Variants in LRMDA observed in about 807,000 individuals in gnomAD.
The protein encoded by LRMDA is leucine rich melanocyte differentiation associated.
In LRMDA, 18 loss-of-function variants were observed where a neutral mutation model predicts 29.8. The ratio of observed to expected loss-of-function variants is 0.60; its 90% CI spans 0.42 to 0.90. The LOEUF (loss-of-function observed/expected upper bound fraction) is 0.90. LRMDA is among the 40% of genes least tolerant of loss of function. The pLI is 0.00. For missense variants in LRMDA, 273 were observed against 273.9 expected, an observed-to-expected ratio of 1.00 and a Z score of 0.02; for synonymous variants, 125 against 109.4, an observed-to-expected ratio of 1.14 and a Z score of -0.89.
intron 2 of LRMDA, among the ~76,000 whole-genome samples, chr10:75,642,272 A>T (rs1489738735): frequency 2.6e-5 from 4 of 151,342 alleles, no homozygotes; most frequent in Non-Finnish European, 1.5e-5. Flanking sequence ...GCTAAGCATG[A>T]ACGTTTCCCT....
chr10:76,541,971 T>G (rs1179341160), intron 6 of LRMDA, among the ~76,000 whole-genome samples: 1 of 152,222 alleles, frequency 6.6e-6, no homozygotes, highest in Non-Finnish European at 1.5e-5. Flanking sequence ...ATTCTCTTTT[T>G]AAATGAGTCA....
At chr10:75,876,919 CAGG>C (rs1845207838) in intron 2 of LRMDA, among the ~76,000 whole-genome samples, 1 of 152,286 alleles carries the variant, frequency 6.6e-6, no homozygotes, top group East Asian at 1.9e-4. Flanking sequence ...ATTTCTCATT[CAGG>C]AGGTCTGGGG....
At chr10:76,274,697 A>G (rs576817569) in intron 5 of LRMDA, among the ~76,000 whole-genome samples, 1 of 152,298 alleles carries the variant, frequency 6.6e-6, no homozygotes, top group Non-Finnish European at 1.5e-5. Context: ...TACTTTTTAT[A>G]AAAATTAGAT....
chr10:75,717,645 C>G (rs1842517949), intron 2 of LRMDA, among the ~76,000 whole-genome samples: 1 of 152,156 alleles, frequency 6.6e-6, no homozygotes. Context: ...GTTAACCTCA[C>G]CAGATGACTT....
intron 2 of LRMDA, among the ~76,000 whole-genome samples, chr10:75,784,890 C>T (rs181659039): frequency 6.6e-6 from 1 of 152,182 alleles, no homozygotes; most frequent in African/African-American, 2.4e-5. Flanking sequence ...CAAAAACATC[C>T]ATATTGAAGC....
chr10:76,515,290 A>G (rs1170891002), intron 6 of LRMDA, among the ~76,000 whole-genome samples: 5 of 152,164 alleles, frequency 3.3e-5, no homozygotes, highest in Non-Finnish European at 7.4e-5. Flanking sequence ...AATTAGCTAA[A>G]TGTTCTTCAG....
At chr10:75,561,359 T>C (rs1840292315) in intron 2 of LRMDA, among the ~76,000 whole-genome samples, 2 of 148,440 alleles carry the variant, frequency 1.3e-5, no homozygotes, top group Non-Finnish European at 3.0e-5. Context: ...TAGTTTGTAT[T>C]TCTGTGGGAT....
intron 2 of LRMDA, among the ~76,000 whole-genome samples, chr10:75,692,088 G>A (rs1842165842): frequency 6.6e-6 from 1 of 151,492 alleles, no homozygotes; most frequent in Non-Finnish European, 1.5e-5. Flanking sequence ...TGTAGCTCCA[G>A]CTACTTGGGA....
intron 5 of LRMDA, among the ~76,000 whole-genome samples, chr10:76,264,497 G>A (rs962096201): frequency 6.9e-6 from 1 of 144,628 alleles, no homozygotes; most frequent in Admixed American, 7.3e-5. Flanking sequence ...CCATTTGCAA[G>A]TGGCATGGTC....
chr10:76,131,169 C>T (rs868386107), intron 5 of LRMDA, among the ~76,000 whole-genome samples: 6 of 152,268 alleles, frequency 3.9e-5, no homozygotes, highest in African/African-American at 7.2e-5. Context: ...GTGCTTCCGC[C>T]GAATTGGCTG....
At chr10:75,568,366 T>C (rs924029133) in intron 2 of LRMDA, among the ~76,000 whole-genome samples, 1 of 152,258 alleles carries the variant, frequency 6.6e-6, no homozygotes, top group East Asian at 1.9e-4. Flanking sequence ...GCATGTTATG[T>C]TTCTTTTTAT....
chr10:75,943,823 A>G (rs1278104348), intron 2 of LRMDA, among the ~76,000 whole-genome samples: 1 of 152,168 alleles, frequency 6.6e-6, no homozygotes, highest in East Asian at 1.9e-4. Flanking sequence ...TTATTCAACA[A>G]TTATTTATTG....
chr10:76,360,610 C>A (rs1055820266), intron 6 of LRMDA, among the ~76,000 whole-genome samples: 13 of 152,096 alleles, frequency 8.5e-5, no homozygotes, highest in African/African-American at 3.1e-4. Flanking sequence ...AATTTCTAAC[C>A]AACTTGTTTA....
At chr10:76,196,771 C>T (rs975542296) in intron 5 of LRMDA, among the ~76,000 whole-genome samples, 4 of 152,196 alleles carry the variant, frequency 2.6e-5, no homozygotes, top group Non-Finnish European at 1.5e-5. Context: ...TTATATCCAA[C>T]GTGTAATAAA....
intron 6 of LRMDA, among the ~76,000 whole-genome samples, chr10:76,555,042 T>C (rs1051961867): frequency 2.0e-5 from 3 of 152,200 alleles, no homozygotes; most frequent in African/African-American, 7.2e-5. Flanking sequence ...TTTGGCCCCA[T>C]GCTTCCACAT....
At chr10:75,820,800 C>T (rs1447339490) in intron 2 of LRMDA, among the ~76,000 whole-genome samples, 1 of 152,040 alleles carries the variant, frequency 6.6e-6, no homozygotes, top group Non-Finnish European at 1.5e-5. Flanking sequence ...AGAAGAGTCA[C>T]ATAAACACAA....
chr10:76,332,609 A>G (rs1840917974), intron 6 of LRMDA, among the ~76,000 whole-genome samples: 1 of 152,248 alleles, frequency 6.6e-6, no homozygotes, highest in Non-Finnish European at 1.5e-5. Context: ...AATGATAGTA[A>G]AAACATGCTC....
At chr10:76,265,685 T>C (rs894576904) in intron 5 of LRMDA, among the ~76,000 whole-genome samples, 3 of 152,212 alleles carry the variant, frequency 2.0e-5, no homozygotes, top group Admixed American at 6.5e-5. Flanking sequence ...CCAAGGTGAC[T>C]GTACATTGGT....
chr10:75,856,376 C>CA (rs1844826836), intron 2 of LRMDA, among the ~76,000 whole-genome samples: 2 of 151,748 alleles, frequency 1.3e-5, no homozygotes, highest in Admixed American at 6.6e-5. Context: ...AGAGACACAA[C>CA]AAAAAAAGAG....
Sources: allele counts gnomAD v4.1 joint callset (sites outside exome capture counted in the v4.1 genomes callset), GRCh38; gene constraint gnomAD v4.1.1; transcripts MANE v1.5; gene names NCBI Gene and HGNC (gene_info 2026-07-23, HGNC 2026-07-21).